The following SCOC variants were observed in gnomAD, a reference collection of about 807,000 sequenced individuals.
The protein encoded by SCOC is short coiled-coil protein, also known as short coiled coil protein.
SCOC carries 7 observed loss-of-function variants against 9.9 expected under a neutral mutation model. That is an observed-to-expected ratio of 0.71 (90% confidence interval 0.40 to 1.33). The LOEUF is 1.33. Among genes scored for constraint, SCOC ranks in the 40% most tolerant of loss-of-function variants. SCOC has a pLI of 0.01. For synonymous variants in SCOC, 19 were observed against 28.2 expected, an observed-to-expected ratio of 0.67 and a Z score of 1.03; for missense variants, 66 against 89.7, an observed-to-expected ratio of 0.74 and a Z score of 1.07.
upstream of SCOC, among the ~76,000 whole-genome samples, chr4:140,338,765 G>A (rs1216587727): frequency 2.6e-5 from 4 of 152,118 alleles, no homozygotes; most frequent in Non-Finnish European, 5.9e-5. Flanking sequence ...CCTCTTCAAG[G>A]AGAACTACAA....
intron 2 of SCOC, chr4:140,366,864 G>C (rs935979608): frequency 3.5e-5 from 26 of 751,260 alleles, no homozygotes; most frequent in Non-Finnish European, 6.0e-5. Context: ...ACACCATGTT[G>C]GTGGCGTTTG....
chr4:140,365,899 T>C (rs1727772159), intron 2 of SCOC, among the ~76,000 whole-genome samples: 1 of 152,262 alleles, frequency 6.6e-6, no homozygotes, highest in African/African-American at 2.4e-5. Context: ...TTAGCAATTA[T>C]ACTTTGGGGG....
chr4:140,355,585 A>G lies in SCOC; in HGVS notation c.70+11877A>G, dbSNP rs138947678. ...CATTTCTGCATTGTACTGACTAGGT[A>G]GAAGCAATAAGGTGCCTGCATTGCA... On this transcript the variant is annotated intron_variant, in intron 2 of 4. Transcript: ENST00000338517. Among the ~76,000 whole-genome samples, 484 of 152,288 alleles carry G rather than the reference A, an allele frequency of 3.2e-3. 5 individuals are homozygous for G. The highest frequency in any genetic ancestry group is 0.011 in the African/African-American group (457 of 41,576).
At chr4:140,287,484 C>T (rs1380325633) in intron 1 of SCOC, among the ~76,000 whole-genome samples, 6 of 151,784 alleles carry the variant, frequency 4.0e-5, no homozygotes. Context: ...TGTGCACATG[C>T]CACATAGACC....
intron 1 of SCOC, among the ~76,000 whole-genome samples, chr4:140,265,987 T>C (rs547793345): frequency 6.6e-6 from 1 of 152,296 alleles, no homozygotes; most frequent in Admixed American, 6.5e-5. Flanking sequence ...TGCCCTCTGC[T>C]CTGTCCAGGG....
chr4:140,308,766 A>G (rs755425439), intron 1 of SCOC, among the ~76,000 whole-genome samples: 1 of 152,200 alleles, frequency 6.6e-6, no homozygotes, highest in African/African-American at 2.4e-5. Context: ...TCCTCCTGCT[A>G]TGCAAGCTGT....
chr4:140,350,105 T>C (rs1267455803), intron 2 of SCOC, among the ~76,000 whole-genome samples: 1 of 152,214 alleles, frequency 6.6e-6, no homozygotes, highest in Non-Finnish European at 1.5e-5. Flanking sequence ...ACTACCCACC[T>C]TTCTTTTTGT....
chr4:140,341,956 T>G (rs1478963168), upstream of SCOC, among the ~76,000 whole-genome samples: 1 of 152,188 alleles, frequency 6.6e-6, no homozygotes, highest in Non-Finnish European at 1.5e-5. Context: ...TTGTCTTCAC[T>G]TCACTTCACT....
rs375568298 is a variant in SCOC at position 140,328,250 on chromosome 4, A to T, written c.-18-15371A>T. On this transcript the variant is annotated intron_variant, in intron 1 of 4. Transcript: ENST00000394205. ...AACCTAACTGGTCTATCAGTTCTTGAGGAGCAGGGACCACAACTTATTCCT... is the reference window on the plus strand; with the variant it reads ...AACCTAACTGGTCTATCAGTTCTTGTGGAGCAGGGACCACAACTTATTCCT... 5.9e-5 allele frequency among the ~76,000 whole-genome samples: 9 copies of T among 152,186 alleles called. No homozygotes were observed. In the East Asian group the frequency reaches 1.3e-3, roughly 23 times the overall value.
At chr4:140,258,906 A>G (rs1730569253) in intron 1 of SCOC, among the ~76,000 whole-genome samples, 1 of 152,194 alleles carries the variant, frequency 6.6e-6, no homozygotes, top group Admixed American at 6.5e-5. Flanking sequence ...CTTGCTGGCT[A>G]CACACTTACC....
chr4:140,384,407 C>G lies in SCOC; in HGVS notation c.*3303C>G, dbSNP rs536431751. 6.6e-6 allele frequency: 1 copy of G among 152,270 alleles called. No homozygotes were observed. Among genetic ancestry groups the G allele is most frequent in the African/African-American group, 2.4e-5 (1 of 41,556 alleles). 9.4% of individuals were successfully genotyped at this position (152,270 alleles called of 1,614,324 possible). A position where few individuals can be genotyped will look rare whatever the true frequency, so the allele number is the denominator to read the frequency against. ...CAAATTTTAGACAGGCACCTCTGAG[C>G]CCTGTTTTTGACTAGTCCAGTTTTA... is the stretch of plus-strand genomic sequence containing the variant. On this transcript the variant is annotated 3_prime_UTR_variant, in exon 4 of 4. Transcript: ENST00000608372.
chr4:140,293,044 T>C (rs1731520818), intron 1 of SCOC, among the ~76,000 whole-genome samples: 1 of 152,250 alleles, frequency 6.6e-6, no homozygotes, highest in South Asian at 2.1e-4. Context: ...CAACTGCTCT[T>C]GGTTTCTCAC....
chr4:140,287,566 A>T (rs1269271018), intron 1 of SCOC, among the ~76,000 whole-genome samples: 1 of 152,060 alleles, frequency 6.6e-6, no homozygotes, highest in Admixed American at 6.5e-5. Flanking sequence ...CATGCCACAC[A>T]GACCATGCAC....
At chr4:140,337,748 C>G (rs1732997032) in intron 1 of SCOC, among the ~76,000 whole-genome samples, 1 of 152,060 alleles carries the variant, frequency 6.6e-6, no homozygotes, top group Non-Finnish European at 1.5e-5. Context: ...AAGGCTAAAC[C>G]AGGAAGAAGT....
chr4:140,294,482 T>C (rs566038687), intron 1 of SCOC, among the ~76,000 whole-genome samples: 5 of 152,142 alleles, frequency 3.3e-5, no homozygotes, highest in Non-Finnish European at 7.4e-5. Context: ...CAGGAAAAAA[T>C]GGGCCCTAGA....
At chr4:140,275,828 T>G (rs1482255317) in intron 1 of SCOC, among the ~76,000 whole-genome samples, 3 of 149,266 alleles carry the variant, frequency 2.0e-5, no homozygotes, top group Non-Finnish European at 3.0e-5. Flanking sequence ...TTGTTTTTTT[T>G]TTTTTTTTTT....
rs1323589194 is a variant in SCOC at position 140,384,447 on chromosome 4, A to G, written c.*3343A>G. On this transcript the variant is annotated 3_prime_UTR_variant, in exon 4 of 4. Transcript: ENST00000608372. ...GTCCAGTTTTAGCAAAAATCCTGCT[A>G]AATGAGTTTAGAGATAATCCCATCC... The G allele has an allele frequency of 1.3e-5, 2 of 152,184 alleles. No individual in the cohort carries two copies. Among genetic ancestry groups the G allele is most frequent in the Non-Finnish European group, 2.9e-5 (2 of 68,038 alleles). The allele number at this position is 152,184 out of a possible 1,614,324, so 9.4% of individuals were successfully genotyped here. A position where few individuals can be genotyped will look rare whatever the true frequency, so the allele number is the denominator to read the frequency against.
At chr4:140,351,166 GGCAACAAGA>G (rs1335385836) in intron 2 of SCOC, among the ~76,000 whole-genome samples, 1 of 151,658 alleles carries the variant, frequency 6.6e-6, no homozygotes, top group Non-Finnish European at 1.5e-5. Context: ...CTCCAGCCTG[GGCAACAAGA>G]GCGAGACTTT....
exon 2 of SCOC, chr4:140,343,685 A>T: frequency 1.2e-6 from 2 of 1,613,652 alleles, no homozygotes; most frequent in Non-Finnish European, 1.7e-6. Context: ...ACATTCACCA[A>T]CATTTCTCTT....
Sources: allele counts gnomAD v4.1 joint callset (sites outside exome capture counted in the v4.1 genomes callset), GRCh38; gene constraint gnomAD v4.1.1; transcripts MANE v1.5; gene names NCBI Gene and HGNC (gene_info 2026-07-23, HGNC 2026-07-21).